KAZN: variants seen among roughly 807,000 people sequenced by gnomAD.
KAZN encodes kazrin.
In KAZN, 40 loss-of-function variants were observed where a neutral mutation model predicts 87.4. The ratio of observed to expected loss-of-function variants is 0.46; its 90% CI spans 0.36 to 0.60. The LOEUF is 0.60. Among genes scored for constraint, KAZN ranks in the 20% least tolerant of loss-of-function variants. KAZN has a pLI of 0.00. For synonymous variants in KAZN, 466 were observed against 458.3 expected (o/e 1.02, Z -0.22); for missense variants, 898 against 1,073.9 (o/e 0.84, Z 2.29).
rs576799973 is a variant in KAZN, at chr1:13,986,509, C to T, written c.91+92753C>T. On this transcript the variant is annotated intron_variant, in intron 1 of 16. Coordinates refer to the KAZN transcript ENST00000636203. ...ATAGGTCCTAGTTAGAGTTAGAGAC[C>T]TTTCTTGCATTGAGACTTGGAAATG... Among the ~76,000 whole-genome samples, 14 of 152,124 alleles carry T rather than the reference C, an allele frequency of 9.2e-5. No homozygotes were observed. In the South Asian group the frequency reaches 2.9e-3, roughly 32 times the overall value.
intron 2 of KAZN, among the ~76,000 whole-genome samples, chr1:14,433,785 G>T (rs1004406200): frequency 6.6e-6 from 1 of 152,216 alleles, no homozygotes; most frequent in African/African-American, 2.4e-5. Flanking sequence ...GCTTGAACCC[G>T]GGAGGCGGAG....
chr1:14,007,148 TA>T (rs1402280033), intron 1 of KAZN, among the ~76,000 whole-genome samples: 1 of 152,198 alleles, frequency 6.6e-6, no homozygotes, highest in Non-Finnish European at 1.5e-5. Flanking sequence ...TTGATTGGTG[TA>T]AATAAATGCA....
At chr1:14,902,283 T>C (rs937930954) in intron 1 of KAZN, among the ~76,000 whole-genome samples, 3 of 151,858 alleles carry the variant, frequency 2.0e-5, no homozygotes, top group Non-Finnish European at 4.4e-5. Flanking sequence ...TGGAGTGCAG[T>C]GGCTCGATCT....
chr1:14,191,861 A>G (rs890878086), intron 2 of KAZN, among the ~76,000 whole-genome samples: 1 of 152,120 alleles, frequency 6.6e-6, no homozygotes, highest in Non-Finnish European at 1.5e-5. Context: ...GACACCAAGG[A>G]CAGAATGCTA....
chr1:14,484,474 A>AT, intron 2 of KAZN, among the ~76,000 whole-genome samples: 1 of 152,190 alleles, frequency 6.6e-6, no homozygotes, highest in Non-Finnish European at 1.5e-5. Flanking sequence ...ATTTTTATCA[A>AT]TTTTTTAAAG....
chr1:14,093,964 A>C (rs984838184), intron 1 of KAZN, among the ~76,000 whole-genome samples: 1 of 152,172 alleles, frequency 6.6e-6, no homozygotes, highest in Non-Finnish European at 1.5e-5. Context: ...CTTCCCAGGT[A>C]TGGGGTAGGA....
intron 1 of KAZN, among the ~76,000 whole-genome samples, chr1:14,681,607 ATATG>A (rs1253932260): frequency 6.5e-5 from 2 of 31,004 alleles, no homozygotes; most frequent in African/African-American, 9.5e-5. Context: ...ATATATATGT[ATATG>A]TGTATATATA....
intron 2 of KAZN, among the ~76,000 whole-genome samples, chr1:14,302,361 T>A (rs116692702): frequency 6.6e-6 from 1 of 152,114 alleles, no homozygotes. Context: ...CCAAAGGACG[T>A]GAAGAAGTGA....
At chr1:14,327,378 C>A (rs1421961566) in intron 2 of KAZN, among the ~76,000 whole-genome samples, 1 of 152,132 alleles carries the variant, frequency 6.6e-6, no homozygotes, top group Non-Finnish European at 1.5e-5. Context: ...CACACGCTGT[C>A]CCTTCCCATC....
intron 1 of KAZN, among the ~76,000 whole-genome samples, chr1:13,902,690 T>A (rs1484010355): frequency 6.6e-6 from 1 of 152,080 alleles, no homozygotes; most frequent in African/African-American, 2.4e-5. Context: ...AGGAGAAGAA[T>A]GGGAATGTTC....
At chr1:14,358,752 C>T (rs1659252329) in intron 2 of KAZN, among the ~76,000 whole-genome samples, 1 of 152,170 alleles carries the variant, frequency 6.6e-6, no homozygotes, top group Admixed American at 6.5e-5. Context: ...GTTTCTTAAT[C>T]CTGAGTTCTA....
chr1:14,079,394 A>G (rs1366569926), intron 1 of KAZN, among the ~76,000 whole-genome samples: 5 of 152,218 alleles, frequency 3.3e-5, no homozygotes, highest in African/African-American at 9.6e-5. Context: ...GTTACTTCTT[A>G]ACAGAACTCA....
At chr1:14,159,837 G>C (rs1365019599) in intron 1 of KAZN, among the ~76,000 whole-genome samples, 1 of 152,222 alleles carries the variant, frequency 6.6e-6, no homozygotes, top group Non-Finnish European at 1.5e-5. Context: ...TTCCAGATGA[G>C]TCTTTCTTTT....
intron 2 of KAZN, among the ~76,000 whole-genome samples, chr1:14,578,412 GA>G (rs5772590): frequency 0.17 from 25,663 of 151,928 alleles, 2,326 homozygotes; most frequent in East Asian, 0.32. Context: ...GAGGAGAGGA[GA>G]AAAGAATTTA....
At chr1:14,423,770 C>T (rs1665561590) in intron 2 of KAZN, among the ~76,000 whole-genome samples, 1 of 152,120 alleles carries the variant, frequency 6.6e-6, no homozygotes, top group Admixed American at 6.5e-5. Context: ...GACCAGTGAC[C>T]CGGGCCTGGA....
chr1:13,954,621 A>G (rs1267856738), intron 1 of KAZN, among the ~76,000 whole-genome samples: 1 of 151,380 alleles, frequency 6.6e-6, no homozygotes, highest in Non-Finnish European at 1.5e-5. Context: ...GTGCCGTGCC[A>G]TGTAGAAAAT....
intron 2 of KAZN, among the ~76,000 whole-genome samples, chr1:14,180,796 A>C (rs1247552219): frequency 6.6e-6 from 1 of 152,130 alleles, no homozygotes; most frequent in Non-Finnish European, 1.5e-5. Context: ...AAGTCAAAGT[A>C]ATACAGCTTA....
rs528619368 is a variant in KAZN at position 14,101,555 on chromosome 1, G to A, written c.92-78880G>A. ...AGGGCTGGAGAGGATGTGAATAGTG[G>A]TTATTCTTAAGTGAAGGTGTCGTGG... On this transcript the variant is annotated intron_variant, in intron 1 of 16. Coordinates refer to the KAZN transcript ENST00000636203. Among the ~76,000 whole-genome samples, 11 of 152,288 alleles carry A rather than the reference G, an allele frequency of 7.2e-5. No homozygotes were observed. In the East Asian group the frequency reaches 1.5e-3, roughly 21 times the overall value.
chr1:14,132,734 TA>T (rs1645017408), intron 1 of KAZN, among the ~76,000 whole-genome samples: 3 of 152,126 alleles, frequency 2.0e-5, no homozygotes, highest in Admixed American at 2.0e-4. Flanking sequence ...GAATTAACAA[TA>T]TGTTTCCCCC....
Sources: gnomAD v4.1 joint callset for allele counts (sites outside exome capture counted in the v4.1 genomes callset) on GRCh38, gnomAD v4.1.1 for gene constraint, MANE v1.5 for transcripts, NCBI Gene and HGNC (gene_info 2026-07-23, HGNC 2026-07-21) for gene names.